The following SYNPR variants were observed in gnomAD, a reference collection of about 807,000 sequenced individuals.
SYNPR encodes the protein synaptoporin.
Under a neutral mutation model 32.9 loss-of-function variants are expected in SYNPR, and 23 were observed. That is an observed-to-expected ratio of 0.70 (90% CI 0.50 to 0.99). SYNPR has a LOEUF of 0.99. Among genes scored for constraint, SYNPR ranks in the 50% least tolerant of loss-of-function variants. SYNPR has a pLI of 0.00. For synonymous variants in SYNPR, 146 were observed against 135.9 expected, an observed-to-expected ratio of 1.07 and a Z score of -0.52; for missense variants, 318 against 349.3, an observed-to-expected ratio of 0.91 and a Z score of 0.71.
intron 2 of SYNPR, among the ~76,000 whole-genome samples, chr3:63,438,017 A>G (rs1700114864): frequency 6.6e-6 from 1 of 152,198 alleles, no homozygotes; most frequent in South Asian, 2.1e-4. Flanking sequence ...GCTTAGCCAC[A>G]TATATTCTGT....
chr3:63,269,413 C>T (rs1280138498), intron 3 of SYNPR, among the ~76,000 whole-genome samples: 1 of 151,818 alleles, frequency 6.6e-6, no homozygotes, highest in Non-Finnish European at 1.5e-5. Context: ...CACTTGAACC[C>T]AGGAGGCAGA....
intron 2 of SYNPR, among the ~76,000 whole-genome samples, chr3:63,368,280 AT>A (rs2087751667): frequency 2.0e-5 from 3 of 152,316 alleles, no homozygotes; most frequent in African/African-American, 7.2e-5. Context: ...TACTTGGATA[AT>A]ACATTAATGA....
intron 2 of SYNPR, among the ~76,000 whole-genome samples, chr3:63,302,038 G>T (rs1351404135): frequency 3.9e-5 from 6 of 151,994 alleles, no homozygotes; most frequent in African/African-American, 1.4e-4. Context: ...ATGGACGTAT[G>T]AATAAATGAA....
chr3:63,464,078 G>A (rs1389612501), intron 2 of SYNPR, among the ~76,000 whole-genome samples: 1 of 152,112 alleles, frequency 6.6e-6, no homozygotes, highest in African/African-American at 2.4e-5. Context: ...GAGTAAAGAA[G>A]GGATGCATTT....
chr3:63,357,753 C>A (rs2087602856), intron 2 of SYNPR, among the ~76,000 whole-genome samples: 1 of 152,118 alleles, frequency 6.6e-6, no homozygotes, highest in Non-Finnish European at 1.5e-5. Flanking sequence ...AATTCAGATT[C>A]AATTAGTCTA....
chr3:63,510,261 A>G (rs1440685390), intron 3 of SYNPR, among the ~76,000 whole-genome samples: 2 of 152,188 alleles, frequency 1.3e-5, no homozygotes, highest in Non-Finnish European at 2.9e-5. Context: ...AGGTCACCCT[A>G]TCACTGTATA....
intron 2 of SYNPR, among the ~76,000 whole-genome samples, chr3:63,420,019 G>A (rs970587880): frequency 1.3e-5 from 2 of 152,120 alleles, no homozygotes; most frequent in Admixed American, 6.6e-5. Flanking sequence ...CAAAGGGAGT[G>A]CAAGATCTTT....
chr3:63,256,319 C>A (rs537406664), intron 2 of SYNPR, among the ~76,000 whole-genome samples: 4 of 152,192 alleles, frequency 2.6e-5, no homozygotes, highest in African/African-American at 4.8e-5. Context: ...AGGCACCCCC[C>A]AGTAGGGGCA....
chr3:63,570,338 T>C (rs939813268), intron 4 of SYNPR, among the ~76,000 whole-genome samples: 1 of 152,200 alleles, frequency 6.6e-6, no homozygotes, highest in African/African-American at 2.4e-5. Context: ...AATAGAGCTG[T>C]GTTTACACCA....
At chr3:63,397,310 A>G (rs17068484) in intron 2 of SYNPR, among the ~76,000 whole-genome samples, 15,436 of 152,190 alleles carry the variant, frequency 0.1, 895 homozygotes, top group East Asian at 0.15. Context: ...GGGTTGATTT[A>G]AACTGGTAGT....
upstream of SYNPR, among the ~76,000 whole-genome samples, chr3:63,223,945 G>T (rs1329381410): frequency 6.6e-6 from 1 of 152,142 alleles, no homozygotes; most frequent in Non-Finnish European, 1.5e-5. Context: ...GAGGCTCCAT[G>T]TATCTTCTTG....
intron 2 of SYNPR, among the ~76,000 whole-genome samples, chr3:63,437,991 G>A (rs1309688195): frequency 6.6e-6 from 1 of 152,198 alleles, no homozygotes; most frequent in Non-Finnish European, 1.5e-5. Context: ...CACAATGTCT[G>A]CCTAAAGGGG....
intron 3 of SYNPR, among the ~76,000 whole-genome samples, chr3:63,546,669 T>C (rs1702409260): frequency 6.6e-6 from 1 of 151,826 alleles, no homozygotes; most frequent in Non-Finnish European, 1.5e-5. Context: ...TTGTCTCTAA[T>C]GGTAAAGTGG....
chr3:63,344,703 T>C (rs552148117), intron 2 of SYNPR, among the ~76,000 whole-genome samples: 1 of 152,134 alleles, frequency 6.6e-6, no homozygotes, highest in East Asian at 1.9e-4. Flanking sequence ...GAGACAGCAG[T>C]ATTACTGTGA....
the SYNPR span, among the ~76,000 whole-genome samples, chr3:63,219,818 G>C: frequency 2.6e-4 from 40 of 152,278 alleles, no homozygotes; most frequent in Non-Finnish European, 5.4e-4. Flanking sequence ...GCAGGCGTTT[G>C]TCTTTCTTTT....
intron 2 of SYNPR, among the ~76,000 whole-genome samples, chr3:63,426,049 T>C (rs888429008): frequency 6.6e-6 from 1 of 152,126 alleles, no homozygotes; most frequent in African/African-American, 2.4e-5. Flanking sequence ...CCTCCCAAAG[T>C]GCTGGAATTA....
chr3:63,615,923 T>G lies in SYNPR; in HGVS notation c.*442T>G, dbSNP rs1700273007. On this transcript the variant is annotated 3_prime_UTR_variant, in exon 6 of 6. Coordinates refer to ENST00000478300, the MANE Select transcript of SYNPR (RefSeq NM_001130003.2). ...CATGCATGTCTTATTTTTTTTTAGT[T>G]TTAAGTCCTATAGGACTATGAGTCT... is the stretch of plus-strand genomic sequence containing the variant. 1 of 153,986 alleles carries G rather than the reference T, an allele frequency of 6.5e-6. No individual in the cohort carries two copies. The highest frequency in any genetic ancestry group is 1.4e-5 in the Non-Finnish European group (1 of 69,294). 9.5% of individuals were successfully genotyped at this position (153,986 alleles called of 1,614,324 possible). A position where few individuals can be genotyped will look rare whatever the true frequency, so the allele number is the denominator to read the frequency against.
chr3:63,290,885 T>G (rs1444915513), intron 2 of SYNPR, among the ~76,000 whole-genome samples: 2 of 152,210 alleles, frequency 1.3e-5, no homozygotes, highest in Non-Finnish European at 2.9e-5. Flanking sequence ...TGGCTGGCCT[T>G]TTATGCACTG....
intron 2 of SYNPR, among the ~76,000 whole-genome samples, chr3:63,263,814 G>A (rs546366274): frequency 2.0e-5 from 3 of 152,296 alleles, no homozygotes; most frequent in South Asian, 4.1e-4. Flanking sequence ...TTTCTTAAGA[G>A]CCTAGAAACT....
Sources: gnomAD v4.1 joint callset for allele counts (sites outside exome capture counted in the v4.1 genomes callset) on GRCh38, gnomAD v4.1.1 for gene constraint, MANE v1.5 for transcripts, NCBI Gene and HGNC (gene_info 2026-07-23, HGNC 2026-07-21) for gene names.